Variants in ITGAE observed in about 807,000 individuals in gnomAD.
The protein encoded by ITGAE is integrin subunit alpha E, also known as integrin alpha-E.
Under a neutral mutation model 136.5 loss-of-function variants are expected in ITGAE, and 99 were observed. The observed-to-expected ratio is 0.73, with a 90% CI of 0.62 to 0.86. The LOEUF (loss-of-function observed/expected upper bound fraction) is 0.86, where lower values mean the gene tolerates loss of function less well. Among genes scored for constraint, ITGAE ranks in the 40% least tolerant of loss-of-function variants. The pLI is 0.00. For missense variants in ITGAE, 1,447 were observed against 1,515.3 expected (o/e 0.95, Z 0.75); for synonymous variants, 613 against 591.8 (o/e 1.04, Z -0.52).
At chr17:3,771,300 G>A (rs1053194417) in intron 2 of ITGAE, among the ~76,000 whole-genome samples, 9 of 152,100 alleles carry the variant, frequency 5.9e-5, no homozygotes, top group Non-Finnish European at 7.4e-5. Context: ...ACGTAGCGGG[G>A]CACACACCGT....
At chr17:3,772,374 G>C (rs900880599) in intron 2 of ITGAE, among the ~76,000 whole-genome samples, 6 of 151,826 alleles carry the variant, frequency 4.0e-5, no homozygotes, top group Non-Finnish European at 8.8e-5. Context: ...GCCTGGCACT[G>C]AGTAAGTGCT....
At chr17:3,793,155 C>T (rs528637173) in intron 1 of ITGAE, among the ~76,000 whole-genome samples, 15 of 151,772 alleles carry the variant, frequency 9.9e-5, no homozygotes, top group African/African-American at 3.4e-4. Context: ...CGGGTTCAAG[C>T]GATTCTCCTG....
intron 1 of ITGAE, 116 bp from the exon 2 acceptor site, chr17:3,777,776 A>T: frequency 8.2e-7 from 1 of 1,224,838 alleles, no homozygotes; most frequent in Non-Finnish European, 1.1e-6. Flanking sequence ...CTGCCCAGGG[A>T]TCTTTATGTG....
At chr17:3,792,645 C>T (rs2052971507) in intron 1 of ITGAE, among the ~76,000 whole-genome samples, 1 of 152,170 alleles carries the variant, frequency 6.6e-6, no homozygotes, top group South Asian at 2.1e-4. Flanking sequence ...CACTTTCTAT[C>T]ACGTGCCCCA....
intron 14 of ITGAE, 134 bp downstream of exon 14, chr17:3,753,156 C>A (rs145198371): frequency 1.2e-5 from 11 of 936,256 alleles, no homozygotes; most frequent in Admixed American, 1.1e-4. Flanking sequence ...GCCCAGCCGC[C>A]ATCCAGCCTG....
intron 16 of ITGAE, 144 bp from the exon 17 acceptor site, chr17:3,748,196 A>G: frequency 1.3e-6 from 1 of 751,926 alleles, no homozygotes; most frequent in Non-Finnish European, 2.0e-6. Flanking sequence ...ACAGTGGGGA[A>G]AGAGACAAGT....
intron 2 of ITGAE, among the ~76,000 whole-genome samples, chr17:3,766,846 T>TAAA (rs1231371287): frequency 1.5e-5 from 2 of 131,420 alleles, no homozygotes; most frequent in Non-Finnish European, 3.3e-5. Flanking sequence ...ATAATAATAA[T>TAAA]AAACCTGTGT....
At chr17:3,727,249 A>G (rs1056289237) in intron 26 of ITGAE, among the ~76,000 whole-genome samples, 2 of 152,136 alleles carry the variant, frequency 1.3e-5, no homozygotes, top group Non-Finnish European at 1.5e-5. Flanking sequence ...AGAGACCAAA[A>G]AAGAGTCTCA....
intron 2 of ITGAE, among the ~76,000 whole-genome samples, chr17:3,776,907 T>C (rs530547965): frequency 2.0e-5 from 3 of 151,984 alleles, no homozygotes; most frequent in Non-Finnish European, 2.9e-5. Flanking sequence ...ATATTGAACA[T>C]GTGTTACTTC....
intron 1 of ITGAE, among the ~76,000 whole-genome samples, chr17:3,796,718 G>A (rs1254846206): frequency 1.3e-5 from 2 of 151,944 alleles, no homozygotes; most frequent in Non-Finnish European, 2.9e-5. Context: ...GAGTCAGACC[G>A]AGATCCCCCT....
rs1188200667 is a variant in ITGAE at position 3,745,746 on chromosome 17, C to T, written c.2319+18G>A. On this transcript the variant is annotated intron_variant, in intron 18 of 30. Coordinates refer to ENST00000263087, the MANE Select transcript of ITGAE (RefSeq NM_002208.5). ...GACAAAGACCCCTCCTGACTCCCAT[C>T]CAAACTCCGTCACTTACCTCTCCCT... The T allele has an allele frequency of 6.2e-7, 1 of 1,612,682 alleles. No individual in the cohort carries two copies. Among genetic ancestry groups the T allele is most frequent in the Non-Finnish European group, 8.5e-7 (1 of 1,179,182 alleles).
intron 29 of ITGAE, 94 bp from the exon 30 acceptor site, chr17:3,716,892 G>A (rs1405098123): frequency 1.4e-5 from 10 of 712,628 alleles, no homozygotes; most frequent in Non-Finnish European, 2.0e-5. Flanking sequence ...ACGAGGACTT[G>A]GCAACAACCC....
intron 1 of ITGAE, among the ~76,000 whole-genome samples, chr17:3,785,496 GAGGAAGGAAGGAAGGAAGGAAGGAAGGA>G (rs71153402): frequency 1.9e-4 from 21 of 107,808 alleles, no homozygotes; most frequent in East Asian, 1.3e-3. Flanking sequence ...AGGAAGGAAG[GAGGAAGGAAGGAAGGAAGGAAGGAAGGA>G]AGGAAGGAAG....
chr17:3,755,041 C>T, intron 12 of ITGAE, 76 bp downstream of exon 12: 1 of 1,469,274 alleles, frequency 6.8e-7, no homozygotes, highest in South Asian at 1.3e-5. Flanking sequence ...CCCTCAGGCC[C>T]CACCCTCGCC....
At chr17:3,743,174 G>T (rs2051626690) in intron 19 of ITGAE, among the ~76,000 whole-genome samples, 1 of 152,244 alleles carries the variant, frequency 6.6e-6, no homozygotes, top group Non-Finnish European at 1.5e-5. Context: ...AGAGCCGCTT[G>T]CCAAGTGAGG....
At chr17:3,745,182 T>G (rs985828325) in intron 18 of ITGAE, among the ~76,000 whole-genome samples, 5 of 152,150 alleles carry the variant, frequency 3.3e-5, no homozygotes, top group African/African-American at 1.2e-4. Flanking sequence ...GTTGTTCACT[T>G]TTTTGATGCC....
rs2053202142 is a variant in ITGAE, at chr17:3,799,650, G to C, written c.34+1461C>G. On this transcript the variant is annotated intron_variant, in intron 1 of 30. Coordinates refer to ENST00000263087, the MANE Select transcript of ITGAE (RefSeq NM_002208.5). This position sits in a 1 kb window ranked among gnomAD's most constrained non-coding sequence, Gnocchi z 4.1. ...CTGGGAGAGGGTAGACAAGAGTCTA[G>C]TCTAAGCATCTGCTCCAGATATTCT... is the stretch of plus-strand genomic sequence containing the variant. 1.3e-5 allele frequency among the ~76,000 whole-genome samples: 2 copies of C among 152,120 alleles called. No homozygotes were observed. The highest frequency in any genetic ancestry group is 2.9e-5 in the Non-Finnish European group (2 of 68,022).
chr17:3,719,253 A>AAAG lies in ITGAE; in HGVS notation c.3333+1053_3333+1054insCTT, dbSNP rs1555572876. ...TCTTCCTCAAAAAAAAAAAAAAAAA[A>AAAG]AAAGAAAAGAAAAGAAAAAGAAATA... On this transcript the variant is annotated intron_variant, in intron 29 of 30. Transcript: ENST00000263087. Among the ~76,000 whole-genome samples the AAAG allele has an allele frequency of 2.5e-4, 27 of 109,550 alleles. 1 individual carries two copies. The highest frequency in any genetic ancestry group is 3.1e-4 in the African/African-American group (8 of 26,176). The allele number at this position is 109,550 out of a possible 152,430, so 71.9% of individuals were successfully genotyped here. A position where few individuals can be genotyped will look rare whatever the true frequency, so the allele number is the denominator to read the frequency against.
intron 1 of ITGAE, among the ~76,000 whole-genome samples, chr17:3,786,593 T>C (rs1319573674): frequency 6.6e-6 from 1 of 151,940 alleles, no homozygotes; most frequent in Non-Finnish European, 1.5e-5. Flanking sequence ...TCCAGGGAAT[T>C]ATAAAAAGCA....
Sources: gnomAD v4.1 joint callset for allele counts (sites outside exome capture counted in the v4.1 genomes callset) on GRCh38, gnomAD v4.1.1 for gene constraint, Gnocchi (gnomAD v3.1) non-coding constraint, MANE v1.5 for transcripts, NCBI Gene and HGNC (gene_info 2026-07-23, HGNC 2026-07-21) for gene names.